The following SLC24A4 variants were observed in gnomAD, a reference collection of about 807,000 sequenced individuals.
SLC24A4 encodes the protein sodium/potassium/calcium exchanger 4.
Under a neutral mutation model 79.0 loss-of-function variants are expected in SLC24A4, and 53 were observed. The observed-to-expected ratio is 0.67, with a 90% confidence interval of 0.54 to 0.84. The LOEUF (loss-of-function observed/expected upper bound fraction) is 0.84, where lower values mean the gene tolerates loss of function less well. Among genes scored for constraint, SLC24A4 ranks in the 40% least tolerant of loss-of-function variants. The pLI is 0.00. For synonymous variants in SLC24A4, 323 were observed against 323.8 expected (o/e 1.00, Z 0.03); for missense variants, 731 against 822.0 (o/e 0.89, Z 1.35).
chr14:92,466,347 G>A (rs1420386162), intron 12 of SLC24A4, among the ~76,000 whole-genome samples: 2 of 152,210 alleles, frequency 1.3e-5, no homozygotes, highest in African/African-American at 4.8e-5. Context: ...CAGTAGCACA[G>A]TGGGGTGGAG....
intron 2 of SLC24A4, among the ~76,000 whole-genome samples, chr14:92,329,216 T>C (rs1305832641): frequency 6.6e-6 from 1 of 152,378 alleles, no homozygotes; most frequent in African/African-American, 2.4e-5. Flanking sequence ...CCTCCTGTGC[T>C]AAGGCACCAC....
Position 92,492,357 on chromosome 14 carries a change from AAGGCAAGAAAATGT to A in SLC24A4, c.1716+120_1716+133del, listed in dbSNP as rs1025511590. The A allele has an allele frequency of 1.3e-4, 129 of 964,178 alleles. No individual in the cohort carries two copies. The African/African-American group carries it at 1.9e-3, about 15-fold the overall frequency. 59.7% of individuals were successfully genotyped at this position (964,178 alleles called of 1,614,324 possible). On this transcript the variant is annotated intron_variant, in intron 16 of 16. Coordinates refer to ENST00000532405, the MANE Select transcript of SLC24A4 (RefSeq NM_153646.4). Reference sequence around the variant, plus strand: ...TCACTTCCCTTGGTAGTGAAGGATAAAGGCAAGAAAATGTAGACGTTCATAGACACACCCAAGTC... The same window carrying A: ...TCACTTCCCTTGGTAGTGAAGGATAAAGACGTTCATAGACACACCCAAGTC...
At chr14:92,367,350 C>G (rs924878261) in intron 2 of SLC24A4, among the ~76,000 whole-genome samples, 6 of 152,144 alleles carry the variant, frequency 3.9e-5, no homozygotes, top group Non-Finnish European at 8.8e-5. Context: ...CTAAGTTGAC[C>G]GATATGAAAT....
chr14:92,401,965 A>G (rs1200167855), intron 2 of SLC24A4, among the ~76,000 whole-genome samples: 1 of 152,188 alleles, frequency 6.6e-6, no homozygotes, highest in Non-Finnish European at 1.5e-5. Context: ...AGAGTAAAAG[A>G]AATACGAGAC....
intron 2 of SLC24A4, among the ~76,000 whole-genome samples, chr14:92,328,777 C>A (rs1242958558): frequency 1.3e-5 from 2 of 152,222 alleles, no homozygotes; most frequent in Admixed American, 1.3e-4. Context: ...ATTGATCTGG[C>A]CAAGGGAGTG....
intron 12 of SLC24A4, among the ~76,000 whole-genome samples, chr14:92,474,936 G>C (rs1894685170): frequency 6.8e-6 from 1 of 147,402 alleles, no homozygotes; most frequent in African/African-American, 2.5e-5. Context: ...GACCTCAAGT[G>C]ATCCACCCAC....
At chr14:92,390,087 T>C (rs1210779287) in intron 2 of SLC24A4, among the ~76,000 whole-genome samples, 2 of 151,236 alleles carry the variant, frequency 1.3e-5, no homozygotes, top group Non-Finnish European at 2.9e-5. Context: ...TCCTTCCTTA[T>C]CTCAGGTCTT....
intron 12 of SLC24A4, among the ~76,000 whole-genome samples, chr14:92,470,508 T>C (rs1423147097): frequency 6.6e-6 from 1 of 152,240 alleles, no homozygotes; most frequent in Non-Finnish European, 1.5e-5. Flanking sequence ...CCATCTGTTT[T>C]GTTACAGTTC....
intron 2 of SLC24A4, among the ~76,000 whole-genome samples, chr14:92,357,736 A>G (rs1887261358): frequency 6.6e-6 from 1 of 152,158 alleles, no homozygotes; most frequent in African/African-American, 2.4e-5. Flanking sequence ...TCGGTTTGGG[A>G]AGATGGAAAG....
At chr14:92,355,465 A>G (rs148655730) in intron 2 of SLC24A4, among the ~76,000 whole-genome samples, 213 of 152,344 alleles carry the variant, frequency 1.4e-3, no homozygotes, top group African/African-American at 4.9e-3. Flanking sequence ...GACTTACCCA[A>G]AAGTTCAAAA....
In SLC24A4 at chr14:92,497,641, G is replaced by C. The variant is rs1426385116; in HGVS notation, c.*4013G>C. The stretch of plus-strand genomic sequence containing the variant: ...ATGGGCGACGGGTGAGTGGGGCTTA[G>C]GAAACTGGAACAGGGAAGGTTCTGT... On this transcript the variant is annotated 3_prime_UTR_variant, in exon 17 of 17. Transcript: ENST00000532405. The C allele has an allele frequency of 6.6e-6, 1 of 152,294 alleles. No homozygotes were observed. Among genetic ancestry groups the C allele is most frequent in the Non-Finnish European group, 1.5e-5 (1 of 68,114 alleles). 9.4% of individuals were successfully genotyped at this position (152,294 alleles called of 1,614,324 possible). A position where few individuals can be genotyped will look rare whatever the true frequency, so the allele number is the denominator to read the frequency against.
chr14:92,334,889 G>GTCGTCA (rs1885690683), intron 2 of SLC24A4, among the ~76,000 whole-genome samples: 1 of 151,110 alleles, frequency 6.6e-6, no homozygotes, highest in African/African-American at 2.4e-5. Flanking sequence ...CATCATCATC[G>GTCGTCA]TCATCATCAT....
rs752001517 is a variant in SLC24A4, at chr14:92,442,674, G to A, written c.479-39G>A. The A allele has an allele frequency of 8.3e-6, 12 of 1,449,966 alleles. 1 individual carries two copies. The South Asian group carries it at 9.1e-5, about 11-fold the overall frequency. The allele number at this position is 1,449,966 out of a possible 1,614,324, so 89.8% of individuals were successfully genotyped here. A position where few individuals can be genotyped will look rare whatever the true frequency, so the allele number is the denominator to read the frequency against. ...ACTGAGGAAGGGGCAGGCTGGGGACGTGTGGCTGAGGCCCAGGGTCTGTGT... is the reference window on the plus strand; with the variant it reads ...ACTGAGGAAGGGGCAGGCTGGGGACATGTGGCTGAGGCCCAGGGTCTGTGT... On this transcript the variant is annotated intron_variant, in intron 5 of 16. Coordinates refer to ENST00000532405, the MANE Select transcript of SLC24A4 (RefSeq NM_153646.4).
intron 2 of SLC24A4, among the ~76,000 whole-genome samples, chr14:92,386,507 G>A (rs978282828): frequency 3.9e-5 from 6 of 152,170 alleles, no homozygotes; most frequent in Admixed American, 6.5e-5. Flanking sequence ...CCTGCCCTGT[G>A]GAGTCTCCTT....
chr14:92,377,999 C>A (rs1454342885), intron 2 of SLC24A4, among the ~76,000 whole-genome samples: 2 of 152,012 alleles, frequency 1.3e-5, no homozygotes, highest in Non-Finnish European at 2.9e-5. Context: ...GGAGTCTGAG[C>A]TGCCTGTGGG....
intron 4 of SLC24A4, 124 bp downstream of exon 4, chr14:92,439,533 C>A: frequency 1.2e-6 from 1 of 861,786 alleles, no homozygotes; most frequent in South Asian, 1.5e-5. Context: ...TCACACCGAG[C>A]ACTTAGTGTC....
chr14:92,409,773 C>T (rs1890607654), intron 2 of SLC24A4, among the ~76,000 whole-genome samples: 1 of 152,050 alleles, frequency 6.6e-6, no homozygotes, highest in Non-Finnish European at 1.5e-5. Flanking sequence ...ATAGCAAAGA[C>T]ATGCAATCAA....
At chr14:92,444,398 G>A (rs970250214) in intron 7 of SLC24A4, among the ~76,000 whole-genome samples, 2 of 152,152 alleles carry the variant, frequency 1.3e-5, no homozygotes, top group East Asian at 1.9e-4. Flanking sequence ...CCTAAGCCCC[G>A]TGGGTGGTGC....
intron 12 of SLC24A4, among the ~76,000 whole-genome samples, chr14:92,459,263 C>T (rs996197790): frequency 3.9e-5 from 6 of 152,224 alleles, no homozygotes; most frequent in Admixed American, 2.0e-4. Context: ...GCCACGCCTT[C>T]GCCTTGTCCT....
Sources: allele counts gnomAD v4.1 joint callset (sites outside exome capture counted in the v4.1 genomes callset), GRCh38; gene constraint gnomAD v4.1.1; transcripts MANE v1.5; gene names NCBI Gene and HGNC (gene_info 2026-07-23, HGNC 2026-07-21).